The following SH2D6 variants were observed in gnomAD, a reference collection of about 807,000 sequenced individuals.
SH2D6 encodes the protein SH2 domain containing 6.
In SH2D6, 31 loss-of-function variants were observed where a neutral mutation model predicts 30.2. The ratio of observed to expected loss-of-function variants is 1.03; its 90% confidence interval spans 0.77 to 1.38. The LOEUF (loss-of-function observed/expected upper bound fraction) is 1.38, where lower values mean the gene tolerates loss of function less well. Among genes scored for constraint, SH2D6 ranks in the 40% most tolerant of loss-of-function variants. SH2D6 has a pLI of 0.00. For synonymous variants in SH2D6, 93 were observed against 104.6 expected (o/e 0.89, Z 0.68); for missense variants, 240 against 266.8 (o/e 0.90, Z 0.70).
chr2:85,420,825 C>G (rs1687723752), intron 2 of SH2D6: 1 of 152,360 alleles, frequency 6.6e-6, no homozygotes, highest in Non-Finnish European at 1.5e-5. Context: ...CCCCTCCTCA[C>G]CACCAGGGGT....
chr2:85,433,537 A>G (rs1218697033), intron 15 of SH2D6, 34 bp from the exon 16 acceptor site: 1 of 987,282 alleles, frequency 1.0e-6, no homozygotes, highest in East Asian at 1.1e-4. Flanking sequence ...GGACTGGTCA[A>G]ACCCATGGTC....
intron 2 of SH2D6, among the ~76,000 whole-genome samples, chr2:85,420,077 T>A (rs988294379): frequency 1.3e-5 from 2 of 152,068 alleles, no homozygotes; most frequent in African/African-American, 2.4e-5. Context: ...GACTCTTTAA[T>A]AAGAGCCCGT....
chr2:85,419,958 T>TG (rs1345882614), intron 2 of SH2D6, among the ~76,000 whole-genome samples: 1 of 152,180 alleles, frequency 6.6e-6, no homozygotes, highest in African/African-American at 2.4e-5. Flanking sequence ...TTTGGTTTTC[T>TG]GAGTGTTTCT....
In SH2D6 at chr2:85,430,988, T is replaced by C. The variant is rs1176245069; in HGVS notation, c.251-222T>C. On this transcript the variant is annotated intron_variant, in intron 12 of 23. Transcript: ENST00000469800. This position sits in a 1 kb window ranked among gnomAD's most constrained non-coding sequence, Gnocchi z 4.3. Reference sequence around the variant, plus strand: ...GCGGGGGTGCTGGGAGAGCCCCGGCTGCCGCTGGCATCCCACCCCCACTGC... The same window carrying C: ...GCGGGGGTGCTGGGAGAGCCCCGGCCGCCGCTGGCATCCCACCCCCACTGC... 6.6e-6 allele frequency among the ~76,000 whole-genome samples: 1 copy of C among 151,416 alleles called. No homozygotes were observed. Among genetic ancestry groups the C allele is most frequent in the Non-Finnish European group, 1.5e-5 (1 of 67,620 alleles).
intron 19 of SH2D6, chr2:85,434,781 A>AG: frequency 1.4e-6 from 2 of 1,457,906 alleles, no homozygotes; most frequent in Non-Finnish European, 1.8e-6. Context: ...ATCAGGCCTG[A>AG]GGGGACCCTC....
chr2:85,434,785 G>C (rs1295330104), intron 19 of SH2D6: 7 of 1,457,244 alleles, frequency 4.8e-6, no homozygotes, highest in Non-Finnish European at 6.3e-6. Flanking sequence ...GGCCTGAGGG[G>C]ACCCTCTTGG....
chr2:85,427,245 G>A (rs1444837132), intron 6 of SH2D6, among the ~76,000 whole-genome samples: 1 of 152,218 alleles, frequency 6.6e-6, no homozygotes, highest in Non-Finnish European at 1.5e-5. Context: ...CTGGACAGTG[G>A]GGCGTTATAC....
At chr2:85,427,894 TC>T in intron 6 of SH2D6, among the ~76,000 whole-genome samples, 1 of 152,100 alleles carries the variant, frequency 6.6e-6, no homozygotes, top group East Asian at 1.9e-4. Flanking sequence ...TTCCTCTCCA[TC>T]CCTGGGTGTC....
chr2:85,435,913 T>C (rs1288315141), intron 22 of SH2D6, 89 bp downstream of exon 22: 17 of 1,418,172 alleles, frequency 1.2e-5, no homozygotes, highest in Non-Finnish European at 1.6e-5. Context: ...GGAAAAATCT[T>C]CATTTTGTAT....
intron 22 of SH2D6, among the ~76,000 whole-genome samples, 162 bp downstream of exon 22, chr2:85,435,986 C>T (rs1689411681): frequency 6.6e-6 from 1 of 152,216 alleles, no homozygotes; most frequent in African/African-American, 2.4e-5. Flanking sequence ...ACACCTGGCC[C>T]TCTGGTGGGG....
At chr2:85,435,265 C>G in intron 20 of SH2D6, 142 bp downstream of exon 20, 1 of 1,247,892 alleles carries the variant, frequency 8.0e-7, no homozygotes, top group Non-Finnish European at 1.1e-6. Context: ...CCGCCGTGCC[C>G]CAGACAGGGA....
At chr2:85,433,971 TGG>T in intron 16 of SH2D6, 60 bp from the exon 17 acceptor site, 1 of 1,403,426 alleles carries the variant, frequency 7.1e-7, no homozygotes, top group Non-Finnish European at 9.8e-7. Flanking sequence ...AGCCCTGCCC[TGG>T]TCAGCATGGA....
intron 20 of SH2D6, 44 bp downstream of exon 20, chr2:85,435,167 G>A (rs761745479): frequency 1.3e-6 from 2 of 1,585,064 alleles, no homozygotes; most frequent in South Asian, 1.1e-5. Context: ...GGTTCCGGGA[G>A]CAGAGCCTGA....
chr2:85,425,547 C>G (rs886746176), intron 6 of SH2D6, 140 bp downstream of exon 6: 9 of 152,092 alleles, frequency 5.9e-5, no homozygotes, highest in Non-Finnish European at 1.3e-4. Flanking sequence ...GGATTACAAG[C>G]GTGAGCCACC....
At chr2:85,432,226 T>C (rs887997814) in intron 14 of SH2D6, among the ~76,000 whole-genome samples, 1 of 151,528 alleles carries the variant, frequency 6.6e-6, no homozygotes, top group Non-Finnish European at 1.5e-5. Flanking sequence ...CTCTTTTTTT[T>C]TTTTTTGGCT....
Position 85,435,146 on chromosome 2 carries a change from C to T in SH2D6, c.648+23C>T, listed in dbSNP as rs765036842. On this transcript the variant is annotated intron_variant, in intron 20 of 23. Coordinates refer to ENST00000469800, the MANE Select transcript of SH2D6 (RefSeq NM_001394463.1). ...GAGGTGAGGAGGGGCTGGGAGCAGGCTGTAGGGAGAGGTTCCGGGAGCAGA... is the reference window on the plus strand; with the variant it reads ...GAGGTGAGGAGGGGCTGGGAGCAGGTTGTAGGGAGAGGTTCCGGGAGCAGA... 84 of 1,604,958 alleles carry T rather than the reference C, an allele frequency of 5.2e-5. 2 individuals carry two copies. The Admixed American group carries it at 1.4e-3, about 26-fold the overall frequency.
At chr2:85,422,043 G>A (rs961708397) in intron 2 of SH2D6, 160 bp from the exon 3 acceptor site, 61 of 152,380 alleles carry the variant, frequency 4.0e-4, no homozygotes, top group African/African-American at 1.4e-3. Context: ...AAAGAGCCAA[G>A]GTGGAAGGGA....
chr2:85,435,835 G>C lies in SH2D6; in HGVS notation c.891+11G>C. The C allele has an allele frequency of 1.3e-6, 2 of 1,575,904 alleles. No individual in the cohort carries two copies. Among genetic ancestry groups the C allele is most frequent in the Non-Finnish European group, 8.6e-7 (1 of 1,161,172 alleles). ...AGGAACCGTGAGGAGGTGGGAGCTG[G>C]AGGAGGCAGGGGCCTAAGGAGGGAC... is the stretch of plus-strand genomic sequence containing the variant. On this transcript the variant is annotated intron_variant, in intron 22 of 23. Transcript: ENST00000469800.
At chr2:85,434,745 T>C in intron 19 of SH2D6, 1 of 1,445,160 alleles carries the variant, frequency 6.9e-7, no homozygotes, top group Non-Finnish European at 9.1e-7. Flanking sequence ...ACTGAGGATG[T>C]CCCTGAAGCT....
Sources: gnomAD v4.1 joint callset for allele counts (sites outside exome capture counted in the v4.1 genomes callset) on GRCh38, gnomAD v4.1.1 for gene constraint, Gnocchi (gnomAD v3.1) non-coding constraint, MANE v1.5 for transcripts, NCBI Gene and HGNC (gene_info 2026-07-23, HGNC 2026-07-21) for gene names.